Variants in EPS8L1 observed in about 807,000 individuals in gnomAD.
EPS8L1 encodes EPS8 signaling adaptor L1.
Under a neutral mutation model 91.7 loss-of-function variants are expected in EPS8L1, and 101 were observed. The observed-to-expected ratio is 1.10, with a 90% CI of 0.94 to 1.30. The LOEUF (loss-of-function observed/expected upper bound fraction) is 1.30. Among genes scored for constraint, EPS8L1 ranks in the 50% most tolerant of loss-of-function variants. EPS8L1 has a pLI of 0.00. For synonymous variants in EPS8L1, 506 were observed against 445.3 expected (o/e 1.14, Z -1.72); for missense variants, 1,114 against 1,017.0 (o/e 1.10, Z -1.30).
chr19:55,079,870 G>C lies in EPS8L1; in HGVS notation c.279+19G>C. Reference sequence around the variant, plus strand: ...CTCCAAGGTGCCGGGGGGCACGTGGGTGGGAGGAGTGTCTGGGGCAGGGAC... The same window carrying C: ...CTCCAAGGTGCCGGGGGGCACGTGGCTGGGAGGAGTGTCTGGGGCAGGGAC... On this transcript the variant is annotated intron_variant, in intron 5 of 19. Transcript: ENST00000201647. 1.9e-6 allele frequency: 3 copies of C among 1,599,246 alleles called. No individual in the cohort carries two copies. Among genetic ancestry groups the C allele is most frequent in the Non-Finnish European group, 2.6e-6 (3 of 1,172,850 alleles).
At chr19:55,087,466 G>T in intron 19 of EPS8L1, 31 bp downstream of exon 19, 1 of 1,614,192 alleles carries the variant, frequency 6.2e-7, no homozygotes, top group South Asian at 1.1e-5. Flanking sequence ...CTGGGTCTGG[G>T]TAGGGTTGGG....
At chr19:55,076,632 G>C (rs1190770312) in intron 2 of EPS8L1, among the ~76,000 whole-genome samples, 171 bp downstream of exon 2, 1 of 152,204 alleles carries the variant, frequency 6.6e-6, no homozygotes, top group Non-Finnish European at 1.5e-5. Context: ...GCCCAGCCTG[G>C]GGTTAGGGGC....
At position 55,081,332 on chromosome 19, in the gene EPS8L1, G is replaced by T. The variant is rs757501052; in HGVS notation, c.614G>T (p.Arg205Leu). The T allele has an allele frequency of 6.4e-7, 1 of 1,557,490 alleles. No individual in the cohort carries two copies. The highest frequency in any genetic ancestry group is 8.6e-7 in the Non-Finnish European group (1 of 1,156,870). Residue 205 changes from arginine to leucine, a missense_variant, in exon 8 of 20, where the codon CGG becomes CTG. Transcript: ENST00000201647. This position sits in a 1 kb window ranked among gnomAD's most constrained non-coding sequence, Gnocchi z 4.9. ...CGCGCAGTGATCAGCACCGTAGAGC[G>T]GGGCGCGGGCCGCGGACGACCCCAG... ...SVRAVISTVE[R>L]GAGRGRPQAK...
chr19:55,082,607 G>A lies in EPS8L1; in HGVS notation c.1214+5G>A. The A allele has an allele frequency of 6.4e-7, 1 of 1,557,130 alleles. No homozygotes were observed. Among genetic ancestry groups the A allele is most frequent in the East Asian group, 2.4e-5 (1 of 41,340 alleles). On this transcript the variant is annotated splice_donor_5th_base_variant and intron_variant, in intron 12 of 19. Coordinates refer to ENST00000201647, the MANE Select transcript of EPS8L1 (RefSeq NM_133180.3). ...GGACTCGTGGACCCGCCCCGGGTGA[G>A]GGGCGGGGCTGGGAGGCAGGGGGCA...
intron 14 of EPS8L1, chr19:55,084,136 G>A (rs978475012): frequency 4.6e-6 from 1 of 219,438 alleles, no homozygotes; most frequent in African/African-American, 2.4e-5. Flanking sequence ...GGGACTTCAA[G>A]GGCTTGGGGG....
rs781169507 is a variant in EPS8L1, at chr19:55,081,895, T to TG, written c.901+1dup. 6.2e-7 allele frequency: 1 copy of TG among 1,607,866 alleles called. No individual in the cohort carries two copies. Among genetic ancestry groups the TG allele is most frequent in the Non-Finnish European group, 8.5e-7 (1 of 1,176,534 alleles). On this transcript the variant is annotated frameshift_variant, in exon 9 of 20. Transcript: ENST00000201647. LOFTEE classifies it high-confidence loss of function. The surrounding 1 kb of genome is among the most constrained non-coding windows in gnomAD (Gnocchi z 4.9). ...GCCGCAGGAGCCGGCGCCGGGCGGCTGGGGGTAAGGGGCACCCTGGCGTGG... is the reference window on the plus strand; with the variant it reads ...GCCGCAGGAGCCGGCGCCGGGCGGCTGGGGGGTAAGGGGCACCCTGGCGTGG...
chr19:55,077,467 C>A (rs1275840368), intron 2 of EPS8L1, among the ~76,000 whole-genome samples: 1 of 152,008 alleles, frequency 6.6e-6, no homozygotes, highest in Non-Finnish European at 1.5e-5. Context: ...GAGATTAAAT[C>A]CTCTTCTGAA....
intron 4 of EPS8L1, 75 bp from the exon 5 acceptor site, chr19:55,079,615 C>G: frequency 3.9e-6 from 6 of 1,530,764 alleles, no homozygotes; most frequent in Non-Finnish European, 5.3e-6. Context: ...GGCTGAAAGT[C>G]TGATTATTCT....
intron 2 of EPS8L1, among the ~76,000 whole-genome samples, chr19:55,077,429 C>A (rs186613671): frequency 1.4e-3 from 217 of 152,036 alleles, no homozygotes; most frequent in African/African-American, 4.7e-3. Flanking sequence ...ATGGTTACTA[C>A]GTTACAGAAA....
Position 55,081,752 on chromosome 19 carries a change from T to C in EPS8L1, c.775-21T>C, listed in dbSNP as rs1355134571. On this transcript the variant is annotated intron_variant, in intron 8 of 19. Transcript: ENST00000201647. The surrounding 1 kb of genome is among the most constrained non-coding windows in gnomAD (Gnocchi z 4.9). ...TTTTGGAACTCGGGAGCCCTGAGCG[T>C]CCCCCTCCTCTGTCCCCTAGGACAT... is the stretch of plus-strand genomic sequence containing the variant. 6.3e-7 allele frequency: 1 copy of C among 1,587,022 alleles called. No individual in the cohort carries two copies. The highest frequency in any genetic ancestry group is 1.8e-5 in the Admixed American group (1 of 55,994).
chr19:55,081,497 G>T lies in EPS8L1; in HGVS notation c.774+5G>T, dbSNP rs1172348144. ...CTGCAGGCGGAGCGGGAAGTGGTGA[G>T]CCGCTAAGGAAGGGGTCTGGGGGCA... On this transcript the variant is annotated splice_donor_5th_base_variant and intron_variant, in intron 8 of 19. Transcript: ENST00000201647. This position sits in a 1 kb window ranked among gnomAD's most constrained non-coding sequence, Gnocchi z 4.9. 1.9e-6 allele frequency: 3 copies of T among 1,574,330 alleles called. No homozygotes were observed. In the African/African-American group the frequency reaches 4.1e-5, roughly 21 times the overall value.
chr19:55,084,062 T>G, intron 14 of EPS8L1: 1 of 351,698 alleles, frequency 2.8e-6, no homozygotes, highest in South Asian at 3.1e-5. Flanking sequence ...AATTGGACCT[T>G]TGGGTTTTGA....
In EPS8L1 at chr19:55,087,772, G is replaced by C. The variant is rs931931041; in HGVS notation, c.*158G>C. 14 of 762,674 alleles carry C rather than the reference G, an allele frequency of 1.8e-5. No individual in the cohort carries two copies. The African/African-American group carries it at 2.2e-4, about 12-fold the overall frequency. The allele number at this position is 762,674 out of a possible 1,614,324, so 47.2% of individuals were successfully genotyped here. A position where few individuals can be genotyped will look rare whatever the true frequency, so the allele number is the denominator to read the frequency against. On this transcript the variant is annotated 3_prime_UTR_variant, in exon 20 of 20. Coordinates refer to ENST00000201647, the MANE Select transcript of EPS8L1 (RefSeq NM_133180.3). ...GTGGACAGACTTAACGATCCTTGCT[G>C]CAGTCCCTCCGGAGAGGATCTGGAC... is the stretch of plus-strand genomic sequence containing the variant.
intron 5 of EPS8L1, 45 bp from the exon 6 acceptor site, chr19:55,080,084 C>T (rs1418642427): frequency 1.5e-5 from 22 of 1,466,850 alleles, no homozygotes; most frequent in Middle Eastern, 3.6e-4. Flanking sequence ...TTTAGTAGTA[C>T]CATCATTTCG....
rs566424862 is a variant in EPS8L1 at position 55,086,526 on chromosome 19, G to T, written c.1777+8G>T. 3 of 1,550,676 alleles carry T rather than the reference G, an allele frequency of 1.9e-6. No individual in the cohort carries two copies. The highest frequency in any genetic ancestry group is 2.6e-6 in the Non-Finnish European group (3 of 1,146,576). On this transcript the variant is annotated splice_region_variant and intron_variant, in intron 17 of 19. Transcript: ENST00000201647. The stretch of plus-strand genomic sequence containing the variant: ...TGGACCCCAGCGAGAAGGGTGAGTG[G>T]TGGGGACGCCGGCTGCGGGGAGCGG...
Position 55,082,501 on chromosome 19 carries a change from G to A in EPS8L1, c.1113G>A (p.Arg371=). ...CGGAGTTCGCGAGCAGTGTGCGGCG[G>A]CCGCATCTGACATCGGATGCCGTGG... ...GGPEFASSVR[R]PHLTSDAVAL... is the part of the protein sequence containing the mutation. Residue 371 remains arginine, a synonymous_variant, in exon 12 of 20, where the codon CGG becomes CGA. Coordinates refer to ENST00000201647, the MANE Select transcript of EPS8L1 (RefSeq NM_133180.3). 6.2e-7 allele frequency: 1 copy of A among 1,612,652 alleles called. No homozygotes were observed. Among genetic ancestry groups the A allele is most frequent in the South Asian group, 1.1e-5 (1 of 91,048 alleles).
chr19:55,082,640 T>C, intron 12 of EPS8L1, 38 bp downstream of exon 12: 1 of 1,529,716 alleles, frequency 6.5e-7, no homozygotes, highest in Non-Finnish European at 8.8e-7. Flanking sequence ...GCATGGTGAT[T>C]GGAGGAGCAT....
At position 55,080,249 on chromosome 19, in the gene EPS8L1, G is replaced by A. The variant is rs1278518283; in HGVS notation, c.400G>A (p.Val134Met). The A allele has an allele frequency of 4.6e-6, 7 of 1,535,676 alleles. No homozygotes were observed. The highest frequency in any genetic ancestry group is 2.5e-5 in the East Asian group (1 of 40,594). ...GGAACCCGAGCGCGCGCAGCCCGAC[G>A]TGCACTTCTTCCAGGGCCTGCGCCT... is the stretch of plus-strand genomic sequence containing the variant. ...CQEPERAQPD[V>M]HFFQGLRLGA... The change falls in exon 6 of 20, where the codon GTG (valine) becomes ATG (methionine). Residue 134 changes from valine to methionine, a missense_variant. Transcript: ENST00000201647.
intron 6 of EPS8L1, chr19:55,080,557 C>T (rs1415566458): frequency 4.3e-6 from 7 of 1,610,850 alleles, no homozygotes; most frequent in Non-Finnish European, 5.9e-6. Context: ...GGCGAGGAAC[C>T]ACCCGGACTG....
Sources: gnomAD v4.1 joint callset for allele counts (sites outside exome capture counted in the v4.1 genomes callset) on GRCh38, gnomAD v4.1.1 for gene constraint, Gnocchi (gnomAD v3.1) non-coding constraint, MANE v1.5 for transcripts, NCBI Gene and HGNC (gene_info 2026-07-23, HGNC 2026-07-21) for gene names.